ZNF532: variants seen among roughly 807,000 people sequenced by gnomAD.
The protein encoded by ZNF532 is zinc finger protein 532.
Under a neutral mutation model 89.3 loss-of-function variants are expected in ZNF532, and 22 were observed. That is an observed-to-expected ratio of 0.25 (90% CI 0.18 to 0.35). ZNF532 has a LOEUF of 0.35. Ranked by LOEUF, ZNF532 falls within the 10% of genes least tolerant of loss-of-function variation. The pLI, the probability that ZNF532 is intolerant of heterozygous loss-of-function variation, is 1.00. For synonymous variants in ZNF532, 606 were observed against 649.6 expected, an observed-to-expected ratio of 0.93 and a Z score of 1.02; for missense variants, 1,132 against 1,643.4, an observed-to-expected ratio of 0.69 and a Z score of 5.38.
chr18:58,914,662 A>G (rs57654285), intron 2 of ZNF532, among the ~76,000 whole-genome samples: 5,560 of 152,340 alleles, frequency 0.036, 99 homozygotes, highest in East Asian at 0.058. Flanking sequence ...CCTGGGTGAC[A>G]GAGCAAGACT....
chr18:58,894,879 G>A (rs780754054), intron 2 of ZNF532, among the ~76,000 whole-genome samples: 1 of 152,168 alleles, frequency 6.6e-6, no homozygotes, highest in Non-Finnish European at 1.5e-5. Flanking sequence ...TGTAGTCCCA[G>A]CACATGGGAG....
At chr18:58,900,674 G>T (rs937815) in intron 2 of ZNF532, among the ~76,000 whole-genome samples, 11,905 of 152,138 alleles carry the variant, frequency 0.078, 590 homozygotes, top group Admixed American at 0.12. Context: ...CCTCACCTTG[G>T]CTTTGACTCC....
intron 2 of ZNF532, among the ~76,000 whole-genome samples, chr18:58,884,578 G>A (rs1047993746): frequency 6.6e-6 from 1 of 152,130 alleles, no homozygotes; most frequent in Non-Finnish European, 1.5e-5. Flanking sequence ...TTCTAATGTA[G>A]GAAATCAATA....
intron 7 of ZNF532, among the ~76,000 whole-genome samples, chr18:58,954,927 C>T (rs1019397989): frequency 2.0e-5 from 3 of 152,132 alleles, no homozygotes; most frequent in Non-Finnish European, 4.4e-5. Flanking sequence ...GTTGGCCAGG[C>T]TGGTCTCGAA....
chr18:58,910,068 C>T (rs2060187239), intron 2 of ZNF532, among the ~76,000 whole-genome samples: 1 of 139,892 alleles, frequency 7.1e-6, no homozygotes, highest in Non-Finnish European at 1.6e-5. Context: ...AAGACCCTGT[C>T]TCTACAAAAA....
chr18:58,973,511 T>TGCC (rs2066696499), intron 7 of ZNF532, among the ~76,000 whole-genome samples: 1 of 152,240 alleles, frequency 6.6e-6, no homozygotes, highest in South Asian at 2.1e-4. Flanking sequence ...GAAGTGGCAA[T>TGCC]GCCAAATGTT....
chr18:58,930,290 G>T (rs910847566), intron 3 of ZNF532, among the ~76,000 whole-genome samples: 2 of 152,084 alleles, frequency 1.3e-5, no homozygotes, highest in Non-Finnish European at 2.9e-5. Flanking sequence ...GCCTGCATTT[G>T]CATGCTATTG....
intron 2 of ZNF532, among the ~76,000 whole-genome samples, chr18:58,878,241 C>G (rs1278412280): frequency 6.7e-6 from 1 of 150,328 alleles, no homozygotes; most frequent in Admixed American, 6.7e-5. Context: ...GGCGACAGAG[C>G]AAGACTCCAT....
chr18:58,951,262 C>CT (rs2064132178), intron 6 of ZNF532, among the ~76,000 whole-genome samples: 1 of 152,150 alleles, frequency 6.6e-6, no homozygotes, highest in East Asian at 1.9e-4. Context: ...TGCACCTGGA[C>CT]TTAGTAGTCT....
At chr18:58,927,098 T>C (rs2061587430) in intron 3 of ZNF532, among the ~76,000 whole-genome samples, 1 of 152,186 alleles carries the variant, frequency 6.6e-6, no homozygotes, top group Non-Finnish European at 1.5e-5. Context: ...TAGTTTTTCT[T>C]TGGTAGAATT....
In ZNF532 at chr18:58,985,516, C is replaced by T. The variant is rs933471708; in HGVS notation, c.*1050C>T. On this transcript the variant is annotated 3_prime_UTR_variant, in exon 10 of 10. Coordinates refer to ENST00000591808, the MANE Select transcript of ZNF532 (RefSeq NM_001375912.1). ...TAGAGTCGGGATGCACAACTTCAAC[C>T]ACCGACTTATCAATGCAGCCGCCTG... 1.1e-4 allele frequency: 17 copies of T among 152,578 alleles called. No individual in the cohort carries two copies. The highest frequency in any genetic ancestry group is 4.1e-4 in the African/African-American group (17 of 41,426). The allele number at this position is 152,578 out of a possible 1,614,324, so 9.5% of individuals were successfully genotyped here. A position where few individuals can be genotyped will look rare whatever the true frequency, so the allele number is the denominator to read the frequency against.
intron 2 of ZNF532, chr18:58,896,610 T>A (rs773535201): frequency 6.5e-6 from 1 of 153,164 alleles, no homozygotes; most frequent in Non-Finnish European, 1.5e-5. Flanking sequence ...CACTCAGCTA[T>A]CTGTTTATCA....
intron 9 of ZNF532, 147 bp downstream of exon 9, chr18:58,981,764 G>T: frequency 9.8e-7 from 1 of 1,018,068 alleles, no homozygotes; most frequent in Non-Finnish European, 1.4e-6. Context: ...CACCACTTTG[G>T]GAGGCCGAGG....
intron 3 of ZNF532, among the ~76,000 whole-genome samples, chr18:58,922,390 C>T (rs1193342097): frequency 6.6e-6 from 1 of 152,086 alleles, no homozygotes; most frequent in Admixed American, 6.5e-5. Context: ...ATTTTTTTAT[C>T]TGGTTTTTCA....
At chr18:58,938,231 G>A (rs904494951) in intron 4 of ZNF532, among the ~76,000 whole-genome samples, 1 of 152,142 alleles carries the variant, frequency 6.6e-6, no homozygotes, top group African/African-American at 2.4e-5. Flanking sequence ...GAGCACATAT[G>A]TTCAGTTGTA....
intron 7 of ZNF532, among the ~76,000 whole-genome samples, chr18:58,969,923 C>T (rs982155806): frequency 1.7e-5 from 2 of 116,292 alleles, no homozygotes; most frequent in Non-Finnish European, 3.2e-5. Flanking sequence ...CTCGTTTTGT[C>T]GCCTAGGCTG....
At chr18:58,887,832 A>C (rs576028492) in intron 2 of ZNF532, among the ~76,000 whole-genome samples, 1 of 152,258 alleles carries the variant, frequency 6.6e-6, no homozygotes, top group East Asian at 1.9e-4. Flanking sequence ...CCACTTCCTG[A>C]GGAAGTGACT....
chr18:58,902,753 A>G (rs1215192299), intron 2 of ZNF532, among the ~76,000 whole-genome samples: 1 of 151,856 alleles, frequency 6.6e-6, no homozygotes, highest in African/African-American at 2.4e-5. Flanking sequence ...CGGCTTCCCA[A>G]AGTGCTGGGA....
At chr18:58,890,844 T>C (rs2058846467) in intron 2 of ZNF532, among the ~76,000 whole-genome samples, 1 of 151,800 alleles carries the variant, frequency 6.6e-6, no homozygotes, top group Admixed American at 6.6e-5. Context: ...CTTTTTTTTT[T>C]TCCTTCTTAA....
Sources: allele counts gnomAD v4.1 joint callset (sites outside exome capture counted in the v4.1 genomes callset), GRCh38; gene constraint gnomAD v4.1.1; transcripts MANE v1.5; gene names NCBI Gene and HGNC (gene_info 2026-07-23, HGNC 2026-07-21).